The following BABAM2 variants were observed in gnomAD, a reference collection of about 807,000 sequenced individuals.
BABAM2 encodes the protein BRISC and BRCA1 A complex member 2.
BABAM2 carries 31 observed loss-of-function variants against 54.7 expected under a neutral mutation model. The observed-to-expected ratio is 0.57, with a 90% confidence interval of 0.43 to 0.77. The LOEUF (loss-of-function observed/expected upper bound fraction) is 0.77. Among genes scored for constraint, BABAM2 ranks in the 30% least tolerant of loss-of-function variants. The pLI is 0.00. For synonymous variants in BABAM2, 167 were observed against 162.9 expected, an observed-to-expected ratio of 1.03 and a Z score of -0.19; for missense variants, 364 against 455.8, an observed-to-expected ratio of 0.80 and a Z score of 1.83.
intron 6 of BABAM2, among the ~76,000 whole-genome samples, chr2:28,071,668 T>C (rs564576057): frequency 1.6e-4 from 25 of 152,350 alleles, no homozygotes; most frequent in Admixed American, 5.9e-4. Flanking sequence ...TTCTCTACTA[T>C]TTGGTTATCC....
At chr2:28,236,430 C>T (rs1172296562) in intron 7 of BABAM2, among the ~76,000 whole-genome samples, 2 of 147,246 alleles carry the variant, frequency 1.4e-5, no homozygotes, top group African/African-American at 2.5e-5. Flanking sequence ...GTGGTGTGAT[C>T]TTGGCTCACT....
chr2:28,279,291 C>T (rs1396719316), intron 10 of BABAM2, among the ~76,000 whole-genome samples: 1 of 152,134 alleles, frequency 6.6e-6, no homozygotes, highest in Non-Finnish European at 1.5e-5. Flanking sequence ...CCTGAGGTTT[C>T]GTCAGCCGGA....
At chr2:28,089,908 G>C (rs537869240) in intron 6 of BABAM2, among the ~76,000 whole-genome samples, 1 of 151,422 alleles carries the variant, frequency 6.6e-6, no homozygotes, top group African/African-American at 2.4e-5. Flanking sequence ...TTCTTTGTGT[G>C]TGTTTTATGA....
chr2:27,911,617 G>A (rs1573146578), intron 2 of BABAM2, among the ~76,000 whole-genome samples: 1 of 152,224 alleles, frequency 6.6e-6, no homozygotes, highest in Admixed American at 6.5e-5. Flanking sequence ...CTTGAGCATG[G>A]ACTTCAAGGT....
chr2:28,023,689 C>T (rs1675438711), intron 4 of BABAM2, among the ~76,000 whole-genome samples: 1 of 152,188 alleles, frequency 6.6e-6, no homozygotes, highest in African/African-American at 2.4e-5. Context: ...TGAAAGAACA[C>T]TTATGAATTT....
At chr2:28,004,311 A>G (rs1673796969) in intron 4 of BABAM2, among the ~76,000 whole-genome samples, 1 of 152,198 alleles carries the variant, frequency 6.6e-6, no homozygotes, top group African/African-American at 2.4e-5. Flanking sequence ...TCCTTTAACC[A>G]CAGAATGGTT....
chr2:27,902,187 T>G (rs749538246), intron 2 of BABAM2, among the ~76,000 whole-genome samples: 39 of 152,298 alleles, frequency 2.6e-4, no homozygotes, highest in Non-Finnish European at 4.9e-4. Flanking sequence ...TCTGGGACAG[T>G]TTTTTAAACT....
chr2:28,076,284 G>T (rs1425766083), intron 6 of BABAM2, among the ~76,000 whole-genome samples: 1 of 151,596 alleles, frequency 6.6e-6, no homozygotes, highest in African/African-American at 2.4e-5. Flanking sequence ...AAAAAGAAAA[G>T]AAAAGAAAAG....
rs902701270 is a variant in BABAM2, at chr2:28,063,408, T to C, written c.570+17609T>C. Among the ~76,000 whole-genome samples the C allele has an allele frequency of 2.0e-5, 3 of 152,238 alleles. No homozygotes were observed. In the East Asian group the frequency reaches 5.8e-4, roughly 29 times the overall value. Reference sequence around the variant, plus strand: ...TTAACGCATTATACTCAAAATATCATTTCAACATATAATCAAAATAAAAAT... The same window carrying C: ...TTAACGCATTATACTCAAAATATCACTTCAACATATAATCAAAATAAAAAT... On this transcript the variant is annotated intron_variant, in intron 6 of 11. Coordinates refer to ENST00000379624, the MANE Select transcript of BABAM2 (RefSeq NM_199191.3).
chr2:28,013,665 T>TAAAAAA (rs55636414), intron 4 of BABAM2, among the ~76,000 whole-genome samples: 2 of 58,066 alleles, frequency 3.4e-5, no homozygotes. Flanking sequence ...GTCCAGCAAG[T>TAAAAAA]AAAAAAAAAA....
At chr2:28,307,209 A>G (rs1410104862) in intron 11 of BABAM2, among the ~76,000 whole-genome samples, 3 of 145,842 alleles carry the variant, frequency 2.1e-5, no homozygotes, top group Admixed American at 1.4e-4. Context: ...GTTTTGCCAT[A>G]TTGGCCAGGC....
At position 28,304,440 on chromosome 2, in the gene BABAM2, A is replaced by C. The variant is rs1345492304; in HGVS notation, c.1088+5949A>C. Reference sequence around the variant, plus strand: ...TAAAAATATAAACAAAATTTTTAAAAATTTATTTTCTAGTTTGTTGCTGGT... The same window carrying C: ...TAAAAATATAAACAAAATTTTTAAACATTTATTTTCTAGTTTGTTGCTGGT... On this transcript the variant is annotated intron_variant, in intron 11 of 11. Transcript: ENST00000379624. The surrounding 1 kb of genome is among the most constrained non-coding windows in gnomAD (Gnocchi z 4.0). Among the ~76,000 whole-genome samples, 1 of 150,864 alleles carries C rather than the reference A, an allele frequency of 6.6e-6. No homozygotes were observed. The highest frequency in any genetic ancestry group is 1.9e-4 in the East Asian group (1 of 5,186).
At chr2:27,934,849 T>C (rs72810594) in intron 3 of BABAM2, among the ~76,000 whole-genome samples, 4,720 of 152,240 alleles carry the variant, frequency 0.031, 103 homozygotes, top group South Asian at 0.1. Flanking sequence ...TTGAGAGAAG[T>C]GAAGAAGTTG....
intron 7 of BABAM2, chr2:28,233,376 G>T (rs894419456): frequency 7.3e-6 from 3 of 412,920 alleles, no homozygotes; most frequent in Non-Finnish European, 1.5e-5. Context: ...TGTTGTACAT[G>T]CTCAGCCCAA....
chr2:28,047,689 A>G (rs988151471), intron 6 of BABAM2, among the ~76,000 whole-genome samples: 12 of 152,268 alleles, frequency 7.9e-5, no homozygotes, highest in African/African-American at 2.7e-4. Flanking sequence ...TTGCCAAAAC[A>G]GTAATGTTGT....
rs181997115 is a variant in BABAM2, at chr2:28,274,953, T to C, written c.935-23385T>C. Among the ~76,000 whole-genome samples, 6 of 152,250 alleles carry C rather than the reference T, an allele frequency of 3.9e-5. No individual in the cohort carries two copies. In the South Asian group the frequency reaches 6.2e-4, roughly 16 times the overall value. On this transcript the variant is annotated intron_variant, in intron 10 of 11. Coordinates refer to ENST00000379624, the MANE Select transcript of BABAM2 (RefSeq NM_199191.3). The stretch of plus-strand genomic sequence containing the variant: ...ACCAGACCCAGCATGCTCCAGTAGC[T>C]CCACTGCAGGGGGTGGCTGCTTACG...
intron 8 of BABAM2, among the ~76,000 whole-genome samples, chr2:28,240,708 A>G (rs1682331323): frequency 6.6e-6 from 1 of 151,966 alleles, no homozygotes; most frequent in Non-Finnish European, 1.5e-5. Flanking sequence ...CGTCTCTACT[A>G]AAAATACAAA....
chr2:28,327,514 G>C, intron 11 of BABAM2: 1 of 1,464,538 alleles, frequency 6.8e-7, no homozygotes, highest in Non-Finnish European at 9.1e-7. Context: ...TTGATGTCTA[G>C]AAATGGATCT....
rs1670041557 is a variant in BABAM2, at chr2:28,131,284, T to A, written c.680+1904T>A. On this transcript the variant is annotated intron_variant, in intron 7 of 11. Coordinates refer to ENST00000379624, the MANE Select transcript of BABAM2 (RefSeq NM_199191.3). Reference sequence around the variant, plus strand: ...TTTTAGTAGAGACGGGGTTTCACCGTTTTAGCCGGGATGGTCTCGATCTCC... The same window carrying A: ...TTTTAGTAGAGACGGGGTTTCACCGATTTAGCCGGGATGGTCTCGATCTCC... Among the ~76,000 whole-genome samples the A allele has an allele frequency of 3.8e-5, 2 of 52,986 alleles. 1 individual carries two copies. The highest frequency in any genetic ancestry group is 8.8e-5 in the Non-Finnish European group (2 of 22,722). 34.8% of individuals were successfully genotyped at this position (52,986 alleles called of 152,430 possible). A position where few individuals can be genotyped will look rare whatever the true frequency, so the allele number is the denominator to read the frequency against.
Sources: allele counts gnomAD v4.1 joint callset (sites outside exome capture counted in the v4.1 genomes callset), GRCh38; gene constraint gnomAD v4.1.1; non-coding constraint Gnocchi (gnomAD v3.1); transcripts MANE v1.5; gene names NCBI Gene and HGNC (gene_info 2026-07-23, HGNC 2026-07-21).